POLN: variants seen among roughly 807,000 people sequenced by gnomAD.
POLN encodes DNA polymerase nu.
A neutral mutation model predicts 113.5 loss-of-function variants in POLN; 108 were observed. The observed-to-expected ratio is 0.95, with a 90% CI of 0.81 to 1.12. POLN has a LOEUF of 1.12. Ranked by LOEUF, POLN falls within the 50% of genes most tolerant of loss-of-function variation. The probability of loss-of-function intolerance (pLI) is 0.00; values close to 1 mark genes in which losing one functional copy is unlikely to be tolerated. For missense variants in POLN, 1,097 were observed against 1,077.1 expected (o/e 1.02, Z -0.26); for synonymous variants, 386 against 391.5 (o/e 0.99, Z 0.17).
intron 23 of POLN, chr4:2,078,475 T>C: frequency 4.5e-6 from 2 of 444,284 alleles, no homozygotes; most frequent in Non-Finnish European, 5.9e-6. Flanking sequence ...TTCTTCTTCT[T>C]TTTTTTTTTT....
chr4:2,230,527 T>C (rs915321910), intron 2 of POLN: 6 of 152,058 alleles, frequency 3.9e-5, no homozygotes, highest in Non-Finnish European at 8.8e-5. Flanking sequence ...TTAAACAAAA[T>C]TTACTGCTAC....
At chr4:2,115,687 A>G (rs1024482905) in intron 19 of POLN, among the ~76,000 whole-genome samples, 5 of 152,190 alleles carry the variant, frequency 3.3e-5, no homozygotes. Flanking sequence ...ACTGAAGTCA[A>G]TATTTATTTC....
intron 20 of POLN, among the ~76,000 whole-genome samples, chr4:2,086,167 G>A (rs894601416): frequency 6.6e-6 from 1 of 152,176 alleles, no homozygotes; most frequent in Non-Finnish European, 1.5e-5. Context: ...TTGCGACGCT[G>A]CTGGTAGAAA....
intron 9 of POLN, 28 bp from the exon 10 acceptor site, chr4:2,174,779 C>T (rs6822665): frequency 0.18 from 272,631 of 1,486,408 alleles, 40,488 homozygotes; most frequent in African/African-American, 0.77. Flanking sequence ...ATAACATCAA[C>T]GTCAATTTAA....
intron 17 of POLN, among the ~76,000 whole-genome samples, 185 bp from the exon 18 acceptor site, chr4:2,129,441 T>G (rs1577710716): frequency 2.0e-5 from 3 of 152,302 alleles, no homozygotes; most frequent in South Asian, 4.1e-4. Flanking sequence ...CAGGCTGGAG[T>G]GCAGTGGCAC....
intron 2 of POLN, among the ~76,000 whole-genome samples, chr4:2,238,012 A>C (rs1219443899): frequency 6.6e-6 from 1 of 152,194 alleles, no homozygotes; most frequent in Non-Finnish European, 1.5e-5. Context: ...TTTATTAATA[A>C]GAAAACAAAA....
chr4:2,102,499 T>C (rs368414624), intron 19 of POLN, among the ~76,000 whole-genome samples: 1 of 152,154 alleles, frequency 6.6e-6, no homozygotes. Context: ...CCACTGCTAC[T>C]ACCATCACTC....
intron 19 of POLN, among the ~76,000 whole-genome samples, chr4:2,110,480 G>A (rs891407721): frequency 3.9e-5 from 6 of 152,118 alleles, no homozygotes; most frequent in African/African-American, 1.4e-4. Flanking sequence ...CAACAAAATT[G>A]ATAGACTGCT....
At chr4:2,231,948 C>CA (rs1560102317) in intron 2 of POLN, 1 of 1,394,682 alleles carries the variant, frequency 7.2e-7, no homozygotes. Context: ...GACTAACAGC[C>CA]TTAATCTTTG....
At chr4:2,125,097 A>C (rs911141726) in intron 19 of POLN, among the ~76,000 whole-genome samples, 5 of 152,216 alleles carry the variant, frequency 3.3e-5, no homozygotes, top group Admixed American at 6.5e-5. Flanking sequence ...GGAAATCAAC[A>C]AAGGATATGT....
chr4:2,188,012 A>T (rs781119605), intron 7 of POLN, among the ~76,000 whole-genome samples: 4 of 152,206 alleles, frequency 2.6e-5, no homozygotes, highest in Non-Finnish European at 5.9e-5. Context: ...ACTACTTGGA[A>T]GGCTGATGCA....
intron 3 of POLN, among the ~76,000 whole-genome samples, chr4:2,223,367 T>G (rs938168189): frequency 6.6e-6 from 1 of 152,158 alleles, no homozygotes; most frequent in African/African-American, 2.4e-5. Flanking sequence ...TCCTGTCAGA[T>G]AGGCAGCAGC....
At chr4:2,192,047 A>G (rs891478648) in intron 7 of POLN, among the ~76,000 whole-genome samples, 2 of 149,434 alleles carry the variant, frequency 1.3e-5, no homozygotes, top group African/African-American at 2.5e-5. Flanking sequence ...CCAGGGAGAT[A>G]GAGGTTGCAG....
intron 13 of POLN, among the ~76,000 whole-genome samples, chr4:2,161,800 C>G (rs1385120163): frequency 6.6e-6 from 1 of 152,190 alleles, no homozygotes; most frequent in Non-Finnish European, 1.5e-5. Flanking sequence ...AATCGGCACT[C>G]TGTATCTAGC....
chr4:2,084,713 ACACTGCCGG>A (rs1730508916), intron 21 of POLN, among the ~76,000 whole-genome samples: 1 of 152,200 alleles, frequency 6.6e-6, no homozygotes, highest in Admixed American at 6.5e-5. Context: ...TGCCACACAG[ACACTGCCGG>A]CACCCAGAGG....
At chr4:2,165,567 C>T (rs1308065732) in intron 13 of POLN, among the ~76,000 whole-genome samples, 1 of 152,138 alleles carries the variant, frequency 6.6e-6, no homozygotes, top group Non-Finnish European at 1.5e-5. Context: ...CACCCAAGAG[C>T]AGTCCAAGAG....
At chr4:2,240,726 C>A (rs1288381271) in intron 2 of POLN, 2 of 1,613,988 alleles carry the variant, frequency 1.2e-6, no homozygotes, top group Non-Finnish European at 1.7e-6. Context: ...CAATGCCGCC[C>A]CTTCTAGAAT....
chr4:2,165,280 T>C (rs1335891994), intron 13 of POLN, among the ~76,000 whole-genome samples: 1 of 152,180 alleles, frequency 6.6e-6, no homozygotes, highest in Non-Finnish European at 1.5e-5. Context: ...TGAAAAGACA[T>C]GGAAGAAACT....
At chr4:2,221,272 C>T (rs1242531319) in intron 3 of POLN, among the ~76,000 whole-genome samples, 1 of 152,096 alleles carries the variant, frequency 6.6e-6, no homozygotes, top group Non-Finnish European at 1.5e-5. Context: ...ATCCAAATAG[C>T]TGGGATTCCG....
Sources: allele counts gnomAD v4.1 joint callset (sites outside exome capture counted in the v4.1 genomes callset), GRCh38; gene constraint gnomAD v4.1.1; transcripts MANE v1.5; gene names NCBI Gene and HGNC (gene_info 2026-07-23, HGNC 2026-07-21).